WFS1: variants seen among roughly 807,000 people sequenced by gnomAD.
The protein encoded by WFS1 is wolframin ER transmembrane glycoprotein.
A neutral mutation model predicts 68.5 loss-of-function variants in WFS1; 90 were observed. That is an observed-to-expected ratio of 1.31 (90% confidence interval 1.11 to 1.56). The LOEUF is 1.56. Among genes scored for constraint, WFS1 ranks in the 40% most tolerant of loss-of-function variants. The pLI, the probability that WFS1 is intolerant of heterozygous loss-of-function variation, is 0.00. For missense variants in WFS1, 1,767 were observed against 1,232.6 expected, an observed-to-expected ratio of 1.43 and a Z score of -6.49; for synonymous variants, 860 against 540.7, an observed-to-expected ratio of 1.59 and a Z score of -8.19.
intron 7 of WFS1, 108 bp downstream of exon 7, chr4:6,295,297 A>G (rs763573739): frequency 2.2e-6 from 3 of 1,379,670 alleles, no homozygotes; most frequent in Middle Eastern, 5.0e-4. Flanking sequence ...CGCGCCTAAC[A>G]AAGAGTGTCT....
At chr4:6,286,333 A>C (rs2109113427) in intron 2 of WFS1, among the ~76,000 whole-genome samples, 1 of 152,248 alleles carries the variant, frequency 6.6e-6, no homozygotes, top group African/African-American at 2.4e-5. Context: ...GCCCCTATAA[A>C]AGAAACCTCA....
Position 6,293,818 on chromosome 4 carries a change from C to T in WFS1, c.713-1223C>T, listed in dbSNP as rs1271419004. ...GAGATGTGTGGGTGGCATTGGTGAC[C>T]ACTCTCGTGTGTCAGACGCCGTCCT... is the stretch of plus-strand genomic sequence containing the variant. On this transcript the variant is annotated intron_variant, in intron 6 of 7. Transcript: ENST00000226760. Among the ~76,000 whole-genome samples the T allele has an allele frequency of 2.0e-5, 3 of 152,266 alleles. No individual in the cohort carries two copies. The East Asian group carries it at 5.8e-4, about 29-fold the overall frequency.
intron 2 of WFS1, among the ~76,000 whole-genome samples, chr4:6,278,337 G>C (rs1199372864): frequency 6.6e-6 from 1 of 152,184 alleles, no homozygotes; most frequent in Non-Finnish European, 1.5e-5. Flanking sequence ...TGTGAGCCAG[G>C]GGAGTCCGGC....
At chr4:6,289,444 G>A (rs576621345) in intron 4 of WFS1, among the ~76,000 whole-genome samples, 1 of 152,378 alleles carries the variant, frequency 6.6e-6, no homozygotes, top group South Asian at 2.1e-4. Context: ...CTGAGAGGCA[G>A]TTTCCCTGAG....
rs773050651 is a variant in WFS1, at chr4:6,302,161, G to C, written c.2366G>C (p.Gly789Ala). The change falls in exon 8 of 8, where the codon GGC becomes GCC. Residue 789 changes from glycine to alanine, a missense_variant. Transcript: ENST00000226760. Reference sequence around the variant, plus strand: ...ATGCCATTCAGCAGCGGCGCTGACGGCTCGCGCAGCCGCGAGGAGGACGAC... The same window carrying C: ...ATGCCATTCAGCAGCGGCGCTGACGCCTCGCGCAGCCGCGAGGAGGACGAC... ...VGMPFSSGAD[G>A]SRSREEDDVT... The C allele has an allele frequency of 2.5e-6, 4 of 1,612,692 alleles. No homozygotes were observed. In the African/African-American group the frequency reaches 4.0e-5, roughly 16 times the overall value.
At chr4:6,285,113 G>C (rs930767061) in intron 2 of WFS1, among the ~76,000 whole-genome samples, 1 of 151,920 alleles carries the variant, frequency 6.6e-6, no homozygotes, top group East Asian at 1.9e-4. Flanking sequence ...GCGTCCTTGA[G>C]GACCCCGGCA....
chr4:6,299,024 G>C (rs1312981576), intron 7 of WFS1, among the ~76,000 whole-genome samples: 1 of 152,224 alleles, frequency 6.6e-6, no homozygotes, highest in Non-Finnish European at 1.5e-5. Context: ...TCCACTTCCT[G>C]GTGTTGGTCC....
At chr4:6,294,175 C>T (rs1730557748) in intron 6 of WFS1, among the ~76,000 whole-genome samples, 1 of 152,204 alleles carries the variant, frequency 6.6e-6, no homozygotes, top group African/African-American at 2.4e-5. Context: ...CTCTGCCCTG[C>T]CCCAGCATGG....
At chr4:6,273,007 C>T (rs1261694147) in intron 1 of WFS1, among the ~76,000 whole-genome samples, 1 of 152,250 alleles carries the variant, frequency 6.6e-6, no homozygotes, top group Non-Finnish European at 1.5e-5. Context: ...CCGAGGGCAT[C>T]TCCAGTGACT....
intron 7 of WFS1, among the ~76,000 whole-genome samples, chr4:6,297,044 G>T (rs1441191965): frequency 1.3e-5 from 2 of 152,114 alleles, no homozygotes; most frequent in African/African-American, 4.8e-5. Flanking sequence ...TATCTACGCT[G>T]GTCTCAAACT....
intron 2 of WFS1, among the ~76,000 whole-genome samples, chr4:6,286,300 G>A (rs1730306750): frequency 6.6e-6 from 1 of 152,172 alleles, no homozygotes; most frequent in African/African-American, 2.4e-5. Flanking sequence ...AATCATGAGC[G>A]ATGGCTTTAC....
At chr4:6,274,081 T>C (rs1008974852) in intron 1 of WFS1, among the ~76,000 whole-genome samples, 5 of 151,902 alleles carry the variant, frequency 3.3e-5, no homozygotes, top group Non-Finnish European at 5.9e-5. Context: ...GAGTCTCGCT[T>C]TGTCACCCAG....
chr4:6,300,861 T>G lies in WFS1; in HGVS notation c.1066T>G (p.Ser356Ala). The part of the protein sequence containing the change: ...PLVIFYLSFI[S>A]MVICTLKVFQ... The stretch of plus-strand genomic sequence containing the variant: ...GGTCATCTTCTACCTGTCCTTCATC[T>G]CCATGGTGATCTGCACCCTCAAGGT... Residue 356 changes from serine (S) to alanine (A), a missense_variant, in exon 8 of 8, where the codon TCC (serine) becomes GCC (alanine). Physicochemically the swap from Ser to Ala is moderately conservative, Grantham distance 99. Transcript: ENST00000226760. The G allele has an allele frequency of 1.9e-6, 3 of 1,614,038 alleles. No individual in the cohort carries two copies. The South Asian group carries it at 3.3e-5, about 18-fold the overall frequency.
intron 7 of WFS1, among the ~76,000 whole-genome samples, chr4:6,300,018 G>C (rs1220047524): frequency 6.6e-6 from 1 of 151,966 alleles, no homozygotes; most frequent in African/African-American, 2.4e-5. Flanking sequence ...GCTTCTCAGG[G>C]TCTCCGGCCA....
rs146027767 is a variant in WFS1, at chr4:6,301,265, C to T, written c.1470C>T (p.Thr490=). Reference sequence around the variant, plus strand: ...AGGTCCTTGGCCAGACCTTCATCACCGTGCCTGTCGGCCACCTGGTCGTCC... The same window carrying T: ...AGGTCCTTGGCCAGACCTTCATCACTGTGCCTGTCGGCCACCTGGTCGTCC... ...YLKVLGQTFI[T]VPVGHLVVLN... The change falls in exon 8 of 8, where the codon ACC becomes ACT. Residue 490 remains threonine (T), a synonymous_variant. Coordinates refer to ENST00000226760, the MANE Select transcript of WFS1 (RefSeq NM_006005.3). 468 of 1,611,290 alleles carry T rather than the reference C, an allele frequency of 2.9e-4. No homozygotes were observed. Among genetic ancestry groups the T allele is most frequent in the Non-Finnish European group, 3.5e-4 (412 of 1,180,032 alleles).
intron 1 of WFS1, among the ~76,000 whole-genome samples, chr4:6,276,474 T>A (rs1729997369): frequency 6.6e-6 from 1 of 152,168 alleles, no homozygotes; most frequent in Admixed American, 6.5e-5. Flanking sequence ...CTTAGTTTGC[T>A]TTTTACTCTC....
chr4:6,276,901 C>G (rs938781906), intron 1 of WFS1, among the ~76,000 whole-genome samples: 3 of 152,226 alleles, frequency 2.0e-5, no homozygotes, highest in Non-Finnish European at 4.4e-5. Context: ...TGTCACCCGT[C>G]TCCGCATGGC....
At chr4:6,293,428 A>G (rs528897138) in intron 6 of WFS1, among the ~76,000 whole-genome samples, 1 of 152,298 alleles carries the variant, frequency 6.6e-6, no homozygotes, top group East Asian at 1.9e-4. Context: ...CAGAACTCCC[A>G]GAAAGGGGCG....
In WFS1 at chr4:6,301,587, G is replaced by A. The variant is rs140125843; in HGVS notation, c.1792G>A (p.Ala598Thr). The A allele has an allele frequency of 1.5e-4, 238 of 1,614,158 alleles. 1 individual carries two copies. The African/African-American group carries it at 2.4e-3, about 16-fold the overall frequency. ...WFTSLELTKI[A>T]VTVAVCSVPL... ...CACGTCTCTGGAGCTCACCAAGATC[G>A]CAGTCACCGTGGCGGTCTGTAGTGT... is the stretch of plus-strand genomic sequence containing the variant. The change falls in exon 8 of 8, where the codon GCA (alanine) becomes ACA (threonine). Residue 598 changes from alanine (A) to threonine (T), a missense_variant. By Grantham distance (58) the Ala-to-Thr change is moderately conservative (BLOSUM62 0). Coordinates refer to ENST00000226760, the MANE Select transcript of WFS1 (RefSeq NM_006005.3).
Sources: gnomAD v4.1 joint callset for allele counts (sites outside exome capture counted in the v4.1 genomes callset) on GRCh38, gnomAD v4.1.1 for gene constraint, MANE v1.5 for transcripts, NCBI Gene and HGNC (gene_info 2026-07-23, HGNC 2026-07-21) for gene names.